RAB28: variants seen among roughly 807,000 people sequenced by gnomAD.
RAB28 encodes ras-related protein Rab-28.
RAB28 carries 24 observed loss-of-function variants against 31.7 expected under a neutral mutation model. The ratio of observed to expected loss-of-function variants is 0.76; its 90% CI spans 0.55 to 1.06. The LOEUF is 1.06. Ranked by LOEUF, RAB28 falls within the 50% of genes least tolerant of loss-of-function variation. The probability of loss-of-function intolerance (pLI) is 0.00; values close to 1 mark genes in which losing one functional copy is unlikely to be tolerated. For missense variants in RAB28, 254 were observed against 258.5 expected, an observed-to-expected ratio of 0.98 and a Z score of 0.12; for synonymous variants, 100 against 90.4, an observed-to-expected ratio of 1.11 and a Z score of -0.60.
At chr4:13,446,098 T>C (rs1256828889) in intron 4 of RAB28, among the ~76,000 whole-genome samples, 1 of 152,190 alleles carries the variant, frequency 6.6e-6, no homozygotes, top group East Asian at 1.9e-4. Flanking sequence ...AGAAGCAGTC[T>C]GGCCACAGTC....
At chr4:13,387,197 A>T (rs1291650778) in intron 4 of RAB28, among the ~76,000 whole-genome samples, 3 of 152,072 alleles carry the variant, frequency 2.0e-5, no homozygotes, top group Non-Finnish European at 4.4e-5. Context: ...CTCTCATGAC[A>T]CAAGTGTAAC....
chr4:13,383,062 C>T (rs1202124496), intron 4 of RAB28, among the ~76,000 whole-genome samples: 2 of 152,036 alleles, frequency 1.3e-5, no homozygotes, highest in African/African-American at 4.8e-5. Flanking sequence ...CCTTAAACAT[C>T]ACTATCTCCT....
At chr4:13,401,215 T>A (rs536630099) in intron 4 of RAB28, among the ~76,000 whole-genome samples, 1 of 152,228 alleles carries the variant, frequency 6.6e-6, no homozygotes, top group Non-Finnish European at 1.5e-5. Context: ...GTATTCTTTG[T>A]GGAAACATTC....
chr4:13,405,988 C>T (rs938092802), intron 4 of RAB28, among the ~76,000 whole-genome samples: 1 of 151,800 alleles, frequency 6.6e-6, no homozygotes, highest in Non-Finnish European at 1.5e-5. Flanking sequence ...GGTAGCTCTA[C>T]AAAACAGAAC....
chr4:13,464,546 A>G (rs1463474564), intron 3 of RAB28, among the ~76,000 whole-genome samples: 4 of 152,026 alleles, frequency 2.6e-5, no homozygotes, highest in Non-Finnish European at 5.9e-5. Context: ...ATACTTTACC[A>G]CAACACTACC....
At position 13,368,049 on chromosome 4, in the gene RAB28, GA is replaced by G. The variant is rs1228280582; in HGVS notation, c.*508del. 9 of 976,792 alleles carry G rather than the reference GA, an allele frequency of 9.2e-6. No homozygotes were observed. Among genetic ancestry groups the G allele is most frequent in the Non-Finnish European group, 9.7e-6 (8 of 822,172 alleles). The allele number at this position is 976,792 out of a possible 1,614,324, so 60.5% of individuals were successfully genotyped here. On this transcript the variant is annotated 3_prime_UTR_variant, in exon 7 of 7. Coordinates refer to ENST00000330852, the MANE Select transcript of RAB28 (RefSeq NM_001017979.3). ...GGCTTATTTCAAGCATTTTCAGTTA[GA>G]AACAGCTTTATATACTTTTACTCAC...
intron 4 of RAB28, among the ~76,000 whole-genome samples, chr4:13,401,648 T>C (rs1711768039): frequency 6.6e-6 from 1 of 152,242 alleles, no homozygotes; most frequent in Non-Finnish European, 1.5e-5. Flanking sequence ...TAATGATTTC[T>C]TCTCTTTCAT....
At chr4:13,432,295 G>A (rs1713850438) in intron 4 of RAB28, among the ~76,000 whole-genome samples, 1 of 152,066 alleles carries the variant, frequency 6.6e-6, no homozygotes, top group South Asian at 2.1e-4. Flanking sequence ...ATTATATAAA[G>A]TGGCCAAACC....
At chr4:13,381,725 T>C (rs1032063003) in intron 4 of RAB28, 131 bp from the exon 5 acceptor site, 4 of 590,514 alleles carry the variant, frequency 6.8e-6, no homozygotes, top group African/African-American at 3.8e-5. Context: ...CCTTGGACAA[T>C]TTATTAAACC....
At chr4:13,370,580 T>C (rs915897208) in intron 6 of RAB28, 1 of 965,858 alleles carries the variant, frequency 1.0e-6, no homozygotes, top group Non-Finnish European at 1.2e-6. Flanking sequence ...TAATTAATTA[T>C]CTTTGAAGGT....
chr4:13,425,319 G>T (rs1230479437), intron 4 of RAB28, among the ~76,000 whole-genome samples: 1 of 152,136 alleles, frequency 6.6e-6, no homozygotes, highest in Non-Finnish European at 1.5e-5. Flanking sequence ...ATTTTATCAA[G>T]AAGATCAGCA....
At chr4:13,434,856 T>C (rs1714004318) in intron 4 of RAB28, among the ~76,000 whole-genome samples, 1 of 151,218 alleles carries the variant, frequency 6.6e-6, no homozygotes, top group Non-Finnish European at 1.5e-5. Context: ...CTGTCTCTAC[T>C]AAAAGTACAA....
In RAB28 at chr4:13,367,782, C is replaced by T. The variant is rs1728560684; in HGVS notation, c.*776G>A. On this transcript the variant is annotated 3_prime_UTR_variant, in exon 7 of 7. Coordinates refer to ENST00000330852, the MANE Select transcript of RAB28 (RefSeq NM_001017979.3). ...ATCTGAACATCAGGTACAGTCTGATCCACAATGTCATAACTCATTCTCGGG... is the reference window on the plus strand; with the variant it reads ...ATCTGAACATCAGGTACAGTCTGATTCACAATGTCATAACTCATTCTCGGG... The T allele has an allele frequency of 1.0e-6, 1 of 984,930 alleles. No individual in the cohort carries two copies. The highest frequency in any genetic ancestry group is 6.2e-5 in the Admixed American group (1 of 16,246). The allele number at this position is 984,930 out of a possible 1,614,324, so 61.0% of individuals were successfully genotyped here.
chr4:13,479,125 T>C (rs574621044), intron 2 of RAB28, among the ~76,000 whole-genome samples: 14 of 151,854 alleles, frequency 9.2e-5, no homozygotes, highest in African/African-American at 3.1e-4. Flanking sequence ...TGTTGACAAA[T>C]GTACAGCACT....
Position 13,460,840 on chromosome 4 carries a change from G to A in RAB28, c.262-12C>T, listed in dbSNP as rs770105499. 6.2e-7 allele frequency: 1 copy of A among 1,606,254 alleles called. No homozygotes were observed. The highest frequency in any genetic ancestry group is 8.5e-7 in the Non-Finnish European group (1 of 1,175,590). ...ACCAAGAGGACTCCCTGTCACAAAA[G>A]AGTTACAAAATATCTGTAATGTATT... On this transcript the variant is annotated splice_polypyrimidine_tract_variant and intron_variant, in intron 3 of 6. Transcript: ENST00000330852.
intron 3 of RAB28, among the ~76,000 whole-genome samples, chr4:13,472,854 A>G (rs1716183035): frequency 1.1e-5 from 1 of 88,144 alleles, no homozygotes; most frequent in African/African-American, 3.3e-5. Flanking sequence ...AATAAAACAA[A>G]AAAGCCATAC....
At chr4:13,452,418 G>C (rs1030305522) in intron 4 of RAB28, among the ~76,000 whole-genome samples, 2 of 151,636 alleles carry the variant, frequency 1.3e-5, no homozygotes, top group African/African-American at 4.8e-5. Flanking sequence ...ATACATACTT[G>C]CCTCTTAGTA....
intron 4 of RAB28, among the ~76,000 whole-genome samples, chr4:13,396,052 T>G (rs1003915269): frequency 6.6e-6 from 1 of 152,080 alleles, no homozygotes; most frequent in African/African-American, 2.4e-5. Flanking sequence ...TTTTTGCTCT[T>G]CAGTCCATAC....
At chr4:13,427,291 C>G (rs985126236) in intron 4 of RAB28, among the ~76,000 whole-genome samples, 1 of 152,176 alleles carries the variant, frequency 6.6e-6, no homozygotes, top group South Asian at 2.1e-4. Context: ...GACACAATAA[C>G]TAGGACAAGA....
Sources: gnomAD v4.1 joint callset for allele counts (sites outside exome capture counted in the v4.1 genomes callset) on GRCh38, gnomAD v4.1.1 for gene constraint, MANE v1.5 for transcripts, NCBI Gene and HGNC (gene_info 2026-07-23, HGNC 2026-07-21) for gene names.